The following TENM3 variants were observed in gnomAD, a reference collection of about 807,000 sequenced individuals.
The protein encoded by TENM3 is teneurin-3.
Under a neutral mutation model 255.1 loss-of-function variants are expected in TENM3, and 63 were observed. The ratio of observed to expected loss-of-function variants is 0.25; its 90% CI spans 0.20 to 0.30. The LOEUF (loss-of-function observed/expected upper bound fraction) is 0.30. Ranked by LOEUF, TENM3 falls within the 10% of genes least tolerant of loss-of-function variation. The pLI, the probability that TENM3 is intolerant of heterozygous loss-of-function variation, is 1.00. For synonymous variants in TENM3, 1,306 were observed against 1,322.3 expected, an observed-to-expected ratio of 0.99 and a Z score of 0.27; for missense variants, 2,929 against 3,461.1, an observed-to-expected ratio of 0.85 and a Z score of 3.86.
chr4:181,557,739 C>T, the TENM3 span, among the ~76,000 whole-genome samples: 1 of 152,092 alleles, frequency 6.6e-6, no homozygotes, highest in African/African-American at 2.4e-5. Flanking sequence ...CCATGTTGCC[C>T]AGGCTGGTCT....
chr4:181,823,914 T>G, the TENM3 span, among the ~76,000 whole-genome samples: 1 of 152,098 alleles, frequency 6.6e-6, no homozygotes, highest in Non-Finnish European at 1.5e-5. Flanking sequence ...ATGCCCTTGA[T>G]TGTGCACAAA....
intron 19 of TENM3, among the ~76,000 whole-genome samples, chr4:182,745,564 A>T (rs1435454988): frequency 6.6e-6 from 1 of 152,206 alleles, no homozygotes; most frequent in East Asian, 1.9e-4. Context: ...TCCACACAGC[A>T]ACCCCTCAGG....
chr4:181,874,861 A>G, the TENM3 span, among the ~76,000 whole-genome samples: 2 of 152,232 alleles, frequency 1.3e-5, no homozygotes, highest in African/African-American at 4.8e-5. Context: ...AAACTGCCAC[A>G]AGGCAGGGAG....
At chr4:182,149,472 C>A (rs1209626045) in intron 1 of TENM3, among the ~76,000 whole-genome samples, 1 of 151,926 alleles carries the variant, frequency 6.6e-6, no homozygotes, top group African/African-American at 2.4e-5. Flanking sequence ...CCATGTCTTT[C>A]TATTTTAAAT....
chr4:182,560,794 G>C (rs940730765), intron 3 of TENM3, among the ~76,000 whole-genome samples: 2 of 152,204 alleles, frequency 1.3e-5, no homozygotes, highest in Non-Finnish European at 2.9e-5. Flanking sequence ...GAATGAAAGA[G>C]AAGGGGAAAA....
the TENM3 span, among the ~76,000 whole-genome samples, chr4:182,072,264 T>A: frequency 1.3e-5 from 2 of 152,222 alleles, no homozygotes; most frequent in African/African-American, 4.8e-5. Flanking sequence ...AACAATAGCA[T>A]AGACATTGTT....
chr4:181,903,980 C>T, the TENM3 span, among the ~76,000 whole-genome samples: 236 of 152,252 alleles, frequency 1.6e-3, 2 homozygotes, highest in African/African-American at 5.5e-3. Flanking sequence ...TCTAGCCCCA[C>T]CCTCTCCCTT....
At chr4:181,888,494 G>GTATATATGTGTATA in the TENM3 span, among the ~76,000 whole-genome samples, 3 of 28,242 alleles carry the variant, frequency 1.1e-4, 1 homozygote, top group Non-Finnish European at 1.8e-4. Flanking sequence ...ATAGAAATGT[G>GTATATATGTGTATA]TATATATATA....
the TENM3 span, among the ~76,000 whole-genome samples, chr4:182,021,433 C>G: frequency 6.6e-6 from 1 of 152,154 alleles, no homozygotes. Context: ...TCCCTCTCCT[C>G]TTTCTCACTT....
chr4:182,052,929 C>T, the TENM3 span, among the ~76,000 whole-genome samples: 13,849 of 152,000 alleles, frequency 0.091, 690 homozygotes, highest in East Asian at 0.15. Flanking sequence ...GCGTTTTAGG[C>T]CTTAAAGTCC....
the TENM3 span, among the ~76,000 whole-genome samples, chr4:181,709,165 T>C: frequency 6.6e-6 from 1 of 152,204 alleles, no homozygotes; most frequent in Non-Finnish European, 1.5e-5. Flanking sequence ...TCAATCTAAA[T>C]TATTTATTCA....
chr4:182,162,820 A>T (rs1369899400), intron 1 of TENM3, among the ~76,000 whole-genome samples: 2 of 152,142 alleles, frequency 1.3e-5, no homozygotes, highest in African/African-American at 4.8e-5. Context: ...CTCTTTTATG[A>T]CACTAATTCC....
chr4:181,676,198 G>A, the TENM3 span, among the ~76,000 whole-genome samples: 1 of 152,194 alleles, frequency 6.6e-6, no homozygotes, highest in East Asian at 1.9e-4. Context: ...GTATAGTGCA[G>A]TGAAATGCAT....
At chr4:181,739,720 G>C in the TENM3 span, among the ~76,000 whole-genome samples, 1 of 152,198 alleles carries the variant, frequency 6.6e-6, no homozygotes, top group Non-Finnish European at 1.5e-5. Context: ...GAACTTTGCA[G>C]ACCGTCGTAC....
the TENM3 span, among the ~76,000 whole-genome samples, chr4:181,929,725 T>C: frequency 6.6e-6 from 1 of 152,162 alleles, no homozygotes; most frequent in African/African-American, 2.4e-5. Flanking sequence ...CAACAGAATA[T>C]ACATTCTTCT....
the TENM3 span, among the ~76,000 whole-genome samples, chr4:181,712,156 T>C: frequency 4.5e-4 from 69 of 152,248 alleles, no homozygotes; most frequent in East Asian, 0.012. Flanking sequence ...GAAGGAGCAT[T>C]GAGAGACCTT....
At chr4:181,836,673 C>A in the TENM3 span, among the ~76,000 whole-genome samples, 3 of 152,154 alleles carry the variant, frequency 2.0e-5, no homozygotes, top group Non-Finnish European at 2.9e-5. Context: ...GCCTTAATAA[C>A]TTTAGCCTCA....
chr4:182,406,281 G>C (rs1392556575), intron 3 of TENM3, among the ~76,000 whole-genome samples: 1 of 151,708 alleles, frequency 6.6e-6, no homozygotes, highest in Non-Finnish European at 1.5e-5. Flanking sequence ...CTCCAGCCTG[G>C]GCCACAGAGC....
chr4:181,832,371 T>G, the TENM3 span, among the ~76,000 whole-genome samples: 2 of 152,170 alleles, frequency 1.3e-5, no homozygotes, highest in Non-Finnish European at 2.9e-5. Context: ...GGGTTTCTTT[T>G]GTTTCCCTGC....
Sources: allele counts gnomAD v4.1 joint callset (sites outside exome capture counted in the v4.1 genomes callset), GRCh38; gene constraint gnomAD v4.1.1; transcripts MANE v1.5; gene names NCBI Gene and HGNC (gene_info 2026-07-23, HGNC 2026-07-21).